NFIC: variants seen among roughly 807,000 people sequenced by gnomAD.
NFIC encodes nuclear factor I C, also known as nuclear factor 1 C-type.
Under a neutral mutation model 54.4 loss-of-function variants are expected in NFIC, and 12 were observed. The ratio of observed to expected loss-of-function variants is 0.22; its 90% CI spans 0.14 to 0.36. The LOEUF is 0.36. Ranked by LOEUF, NFIC falls within the 10% of genes least tolerant of loss-of-function variation. The pLI, the probability that NFIC is intolerant of heterozygous loss-of-function variation, is 1.00. For missense variants in NFIC, 575 were observed against 718.2 expected (o/e 0.80, Z 2.28); for synonymous variants, 322 against 319.2 (o/e 1.01, Z -0.09).
At chr19:3,431,478 C>T (rs1258144028) in intron 3 of NFIC, among the ~76,000 whole-genome samples, 1 of 150,092 alleles carries the variant, frequency 6.7e-6, no homozygotes, top group Non-Finnish European at 1.5e-5. Context: ...GAGCTATCCT[C>T]CCGCCTCGGC....
chr19:3,422,441 G>T (rs2081966503), intron 2 of NFIC, among the ~76,000 whole-genome samples: 1 of 151,640 alleles, frequency 6.6e-6, no homozygotes, highest in Non-Finnish European at 1.5e-5. Context: ...AGTGAGGCCG[G>T]GCGCGGTGGC....
chr19:3,402,821 G>A (rs1223807842), intron 2 of NFIC, among the ~76,000 whole-genome samples: 4 of 152,182 alleles, frequency 2.6e-5, no homozygotes, highest in Non-Finnish European at 5.9e-5. Context: ...GCAGGACTGG[G>A]CCAGGTGCAT....
chr19:3,373,478 G>A (rs1007187316), intron 1 of NFIC, among the ~76,000 whole-genome samples: 2 of 151,000 alleles, frequency 1.3e-5, no homozygotes, highest in Admixed American at 1.3e-4. Context: ...GGGCCTCCTC[G>A]CTGTTCCTCT....
At chr19:3,450,037 A>G (rs900419062) in intron 7 of NFIC, among the ~76,000 whole-genome samples, 1 of 152,076 alleles carries the variant, frequency 6.6e-6, no homozygotes, top group Admixed American at 6.6e-5. Context: ...CCTGGGCGAC[A>G]GAGCAAGACC....
At chr19:3,371,382 CG>C (rs994101950) in intron 1 of NFIC, 1 of 146,694 alleles carries the variant, frequency 6.8e-6, no homozygotes, top group African/African-American at 2.6e-5. Context: ...TGGAGTGCAG[CG>C]GTGCGATCTT....
rs1183513214 is a variant in NFIC at position 3,370,779 on chromosome 19, C to A, written c.30+4113C>A. On this transcript the variant is annotated intron_variant, in intron 1 of 10. Coordinates refer to ENST00000443272, the MANE Select transcript of NFIC (RefSeq NM_001245002.2). This position sits in a 1 kb window ranked among gnomAD's most constrained non-coding sequence, Gnocchi z 5.2. ...CTGTCTCTCTGAGCTGGCCTCCCTC[C>A]CTGTCTCACACCAAATGGATGGGAA... Among the ~76,000 whole-genome samples the A allele has an allele frequency of 6.6e-6, 1 of 152,074 alleles. No individual in the cohort carries two copies. Among genetic ancestry groups the A allele is most frequent in the Admixed American group, 6.6e-5 (1 of 15,264 alleles).
intron 2 of NFIC, among the ~76,000 whole-genome samples, chr19:3,400,730 A>G (rs1480283245): frequency 6.6e-6 from 1 of 150,624 alleles, no homozygotes; most frequent in Non-Finnish European, 1.5e-5. Flanking sequence ...TAATCCAGCC[A>G]CTGGCAGGGG....
chr19:3,388,836 G>T (rs538984100), intron 2 of NFIC, among the ~76,000 whole-genome samples: 137 of 149,854 alleles, frequency 9.1e-4, no homozygotes, highest in African/African-American at 2.9e-3. Context: ...TCTAAAAACC[G>T]TTTTTTTTAA....
rs202234563 is a variant in NFIC, at chr19:3,434,221, A to G, written c.710-56A>G. On this transcript the variant is annotated intron_variant, in intron 4 of 10. Coordinates refer to ENST00000443272, the MANE Select transcript of NFIC (RefSeq NM_001245002.2). Reference sequence around the variant, plus strand: ...GTGGCTTTCCCTACCTCTCTAAAGCAAACCGCAGCACTGGGCACTGCTTCC... The same window carrying G: ...GTGGCTTTCCCTACCTCTCTAAAGCGAACCGCAGCACTGGGCACTGCTTCC... The G allele has an allele frequency of 9.7e-4, 1,519 of 1,561,798 alleles. 29 individuals are homozygous for G. The South Asian group carries it at 0.017, about 17-fold the overall frequency.
chr19:3,412,900 AG>A (rs2081788683), intron 2 of NFIC, among the ~76,000 whole-genome samples: 1 of 152,132 alleles, frequency 6.6e-6, no homozygotes, highest in Non-Finnish European at 1.5e-5. Context: ...TAAAGAACAG[AG>A]GAGGAAGCCT....
intron 2 of NFIC, among the ~76,000 whole-genome samples, chr19:3,401,844 C>T (rs1282815742): frequency 6.6e-6 from 1 of 151,810 alleles, no homozygotes; most frequent in Non-Finnish European, 1.5e-5. Context: ...GCCTCAGCCT[C>T]CTGAGTAGCT....
intron 6 of NFIC, among the ~76,000 whole-genome samples, chr19:3,447,298 C>CAAAAA (rs1178839836): frequency 1.3e-5 from 1 of 78,070 alleles, no homozygotes. Context: ...GACTCTATCT[C>CAAAAA]AAAAAAAAAA....
Position 3,453,165 on chromosome 19 carries a change from G to A in NFIC, c.1269+499G>A, listed in dbSNP as rs1389142895. ...GAGGTGGGAGGATCGCTTGAACCTG[G>A]GAGGTCGAGGCTGCTGTGAGCTGTG... On this transcript the variant is annotated intron_variant, in intron 8 of 10. Coordinates refer to ENST00000443272, the MANE Select transcript of NFIC (RefSeq NM_001245002.2). The surrounding 1 kb of genome is among the most constrained non-coding windows in gnomAD (Gnocchi z 6.7). 6.6e-6 allele frequency among the ~76,000 whole-genome samples: 1 copy of A among 152,204 alleles called. No individual in the cohort carries two copies. Among genetic ancestry groups the A allele is most frequent in the East Asian group, 1.9e-4 (1 of 5,192 alleles).
intron 2 of NFIC, among the ~76,000 whole-genome samples, chr19:3,402,440 A>G (rs1234610999): frequency 8.6e-5 from 13 of 151,748 alleles, no homozygotes; most frequent in Non-Finnish European, 1.3e-4. Flanking sequence ...CTCCCTCTCA[A>G]CTTTCTTTCT....
At chr19:3,372,717 G>C (rs561551964) in intron 1 of NFIC, among the ~76,000 whole-genome samples, 8 of 150,436 alleles carry the variant, frequency 5.3e-5, no homozygotes, top group South Asian at 2.2e-4. Context: ...TGGGGTGGGG[G>C]GGTGCCAGGA....
At chr19:3,450,661 A>C (rs922925144) in intron 7 of NFIC, among the ~76,000 whole-genome samples, 1 of 152,214 alleles carries the variant, frequency 6.6e-6, no homozygotes, top group Non-Finnish European at 1.5e-5. Context: ...TCTCAAAAAA[A>C]AACAAAACAG....
chr19:3,363,253 A>C (rs369742852), upstream of NFIC, among the ~76,000 whole-genome samples: 1 of 12,952 alleles, frequency 7.7e-5, no homozygotes, highest in Non-Finnish European at 1.4e-4. Context: ...ATATATATAT[A>C]TATATATATA....
At chr19:3,431,030 G>A (rs965129582) in intron 3 of NFIC, among the ~76,000 whole-genome samples, 5 of 152,042 alleles carry the variant, frequency 3.3e-5, no homozygotes, top group Admixed American at 6.6e-5. Flanking sequence ...ATGTCCTCAA[G>A]GTGCATCCAT....
chr19:3,398,329 C>T (rs1167796203), intron 2 of NFIC, among the ~76,000 whole-genome samples: 1 of 152,130 alleles, frequency 6.6e-6, no homozygotes, highest in East Asian at 1.9e-4. Flanking sequence ...ACTTATTGAG[C>T]GCCAGCTGCA....
Sources: gnomAD v4.1 joint callset for allele counts (sites outside exome capture counted in the v4.1 genomes callset) on GRCh38, gnomAD v4.1.1 for gene constraint, Gnocchi (gnomAD v3.1) non-coding constraint, MANE v1.5 for transcripts, NCBI Gene and HGNC (gene_info 2026-07-23, HGNC 2026-07-21) for gene names.